Variants in KCNAB1 observed in about 807,000 individuals in gnomAD.
KCNAB1 encodes potassium voltage-gated channel subfamily A regulatory beta subunit 1.
KCNAB1 carries 35 observed loss-of-function variants against 64.6 expected under a neutral mutation model. The ratio of observed to expected loss-of-function variants is 0.54; its 90% CI spans 0.41 to 0.72. KCNAB1 has a LOEUF of 0.72. KCNAB1 is among the 30% of genes least tolerant of loss of function. The pLI is 0.00. For synonymous variants in KCNAB1, 177 were observed against 183.8 expected, an observed-to-expected ratio of 0.96 and a Z score of 0.30; for missense variants, 401 against 512.9, an observed-to-expected ratio of 0.78 and a Z score of 2.11.
At position 156,465,675 on chromosome 3, in the gene KCNAB1, A is replaced by C. The variant is rs1379987381; in HGVS notation, c.560A>C (p.His187Pro). ...ACAGAAAGAGGGCTGTCAAGAAAGC[A>C]TATTATTGAAGGTGGGTACTTCTGC... The part of the protein sequence containing the change: ...AETERGLSRK[H>P]IIEGLKGSLQ... The change falls in exon 7 of 14, where the codon CAT becomes CCT. Residue 187 changes from histidine (H) to proline (P), a missense_variant. Physicochemically the swap from His to Pro is moderately conservative, Grantham distance 77. Transcript: ENST00000490337. 7 of 1,613,308 alleles carry C rather than the reference A, an allele frequency of 4.3e-6. No homozygotes were observed. The highest frequency in any genetic ancestry group is 5.9e-6 in the Non-Finnish European group (7 of 1,179,336).
intron 1 of KCNAB1, among the ~76,000 whole-genome samples, chr3:156,375,467 T>C (rs1008937936): frequency 7.4e-6 from 1 of 135,282 alleles, no homozygotes; most frequent in Non-Finnish European, 1.5e-5. Context: ...CAGAACCTGC[T>C]CATTTTCTAG....
intron 8 of KCNAB1, among the ~76,000 whole-genome samples, chr3:156,481,984 T>C (rs552208535): frequency 6.6e-6 from 1 of 152,066 alleles, no homozygotes; most frequent in African/African-American, 2.4e-5. Flanking sequence ...GAGGTAATCA[T>C]GGGAGAAGTC....
chr3:156,282,216 G>A (rs1173911556), intron 1 of KCNAB1, among the ~76,000 whole-genome samples: 2 of 147,518 alleles, frequency 1.4e-5, no homozygotes, highest in African/African-American at 2.6e-5. Flanking sequence ...CCTTCATTTC[G>A]TTATGTACCC....
chr3:156,212,037 G>A (rs1221264022), intron 1 of KCNAB1, among the ~76,000 whole-genome samples: 1 of 152,166 alleles, frequency 6.6e-6, no homozygotes, highest in Non-Finnish European at 1.5e-5. Flanking sequence ...ATACTGATGA[G>A]CTCTTTACTG....
At position 156,185,923 on chromosome 3, in the gene KCNAB1, A is replaced by G. The variant is rs1713161575; in HGVS notation, c.275+65037A>G. 3.3e-5 allele frequency among the ~76,000 whole-genome samples: 5 copies of G among 152,302 alleles called. No homozygotes were observed. The South Asian group carries it at 8.3e-4, about 25-fold the overall frequency. On this transcript the variant is annotated intron_variant, in intron 1 of 13. Coordinates refer to ENST00000490337, the MANE Select transcript of KCNAB1 (RefSeq NM_172160.3). ...TCTGAACTTCTCTATAACTAAACAC[A>G]TATAGGCCATCCCTGCAACTTCTGT...
intron 12 of KCNAB1, among the ~76,000 whole-genome samples, chr3:156,524,880 C>T (rs756871988): frequency 6.6e-6 from 1 of 151,484 alleles, no homozygotes; most frequent in Non-Finnish European, 1.5e-5. Context: ...TAGGTGATCC[C>T]ATAAGATTAT....
chr3:156,355,695 T>G (rs1451368574), intron 1 of KCNAB1, among the ~76,000 whole-genome samples: 6 of 152,200 alleles, frequency 3.9e-5, no homozygotes, highest in Admixed American at 1.3e-4. Context: ...CATGTACAGG[T>G]TTCTAATACT....
At chr3:156,473,666 CT>C (rs1244438079) in intron 7 of KCNAB1, among the ~76,000 whole-genome samples, 1 of 152,168 alleles carries the variant, frequency 6.6e-6, no homozygotes, top group Non-Finnish European at 1.5e-5. Context: ...CTCCATTTTC[CT>C]GTCAGAAAAG....
At chr3:156,174,698 G>A (rs952180768) in intron 1 of KCNAB1, among the ~76,000 whole-genome samples, 1 of 152,114 alleles carries the variant, frequency 6.6e-6, no homozygotes, top group Non-Finnish European at 1.5e-5. Context: ...AGAGCTGGAG[G>A]GGCTGATATT....
At chr3:156,134,498 G>A (rs1462417626) in intron 1 of KCNAB1, among the ~76,000 whole-genome samples, 1 of 152,186 alleles carries the variant, frequency 6.6e-6, no homozygotes. Context: ...TTGAAATGTA[G>A]GCTTTGGGAT....
At chr3:156,140,370 G>T (rs2108278064) in intron 1 of KCNAB1, among the ~76,000 whole-genome samples, 1 of 152,268 alleles carries the variant, frequency 6.6e-6, no homozygotes, top group East Asian at 1.9e-4. Flanking sequence ...CACAGTTCTG[G>T]AGGCTGAAGT....
chr3:156,193,856 G>A (rs1713718972), intron 1 of KCNAB1, among the ~76,000 whole-genome samples: 1 of 152,124 alleles, frequency 6.6e-6, no homozygotes. Context: ...GCTAGGTTAG[G>A]TGTATTAAAT....
chr3:156,275,372 A>T (rs983259048), intron 1 of KCNAB1, among the ~76,000 whole-genome samples: 8 of 152,168 alleles, frequency 5.3e-5, no homozygotes, highest in African/African-American at 1.4e-4. Context: ...TCTTGCTTTG[A>T]TGTTGATGGC....
At chr3:156,297,162 A>G (rs1321606694) in intron 1 of KCNAB1, among the ~76,000 whole-genome samples, 4 of 151,648 alleles carry the variant, frequency 2.6e-5, no homozygotes, top group Non-Finnish European at 2.9e-5. Flanking sequence ...CCCTTCTCCA[A>G]TTTCTAATCT....
chr3:156,459,270 A>G (rs1297297141), intron 4 of KCNAB1, among the ~76,000 whole-genome samples: 1 of 152,160 alleles, frequency 6.6e-6, no homozygotes, highest in Admixed American at 6.5e-5. Context: ...GGCAGGAAGG[A>G]CACTTCGTTA....
At chr3:156,472,540 G>A (rs996364960) in intron 7 of KCNAB1, among the ~76,000 whole-genome samples, 5 of 152,070 alleles carry the variant, frequency 3.3e-5, no homozygotes, top group Admixed American at 2.0e-4. Flanking sequence ...TCCTTTAGAG[G>A]GACAATTTCC....
chr3:156,454,707 G>A (rs1712259640), intron 3 of KCNAB1, among the ~76,000 whole-genome samples: 1 of 152,158 alleles, frequency 6.6e-6, no homozygotes, highest in South Asian at 2.1e-4. Flanking sequence ...GGCAAGCAGG[G>A]AGGGAGGCCT....
At chr3:156,334,401 C>T (rs1014357518) in intron 1 of KCNAB1, among the ~76,000 whole-genome samples, 5 of 152,160 alleles carry the variant, frequency 3.3e-5, no homozygotes, top group Non-Finnish European at 7.4e-5. Context: ...AAGGAACCAC[C>T]TTGGAAGGGC....
At chr3:156,406,994 T>C (rs985789265) in intron 1 of KCNAB1, among the ~76,000 whole-genome samples, 8 of 152,228 alleles carry the variant, frequency 5.3e-5, no homozygotes, top group African/African-American at 1.9e-4. Flanking sequence ...AGTGTTCTTC[T>C]AAAAGTCCTC....
Sources: gnomAD v4.1 joint callset for allele counts (sites outside exome capture counted in the v4.1 genomes callset) on GRCh38, gnomAD v4.1.1 for gene constraint, MANE v1.5 for transcripts, NCBI Gene and HGNC (gene_info 2026-07-23, HGNC 2026-07-21) for gene names.